NXPH1: variants seen among roughly 807,000 people sequenced by gnomAD.
NXPH1 encodes neurexophilin-1.
Under a neutral mutation model 23.7 loss-of-function variants are expected in NXPH1, and 5 were observed. The observed-to-expected ratio is 0.21, with a 90% confidence interval of 0.11 to 0.44. The LOEUF (loss-of-function observed/expected upper bound fraction) is 0.44, where lower values mean the gene tolerates loss of function less well. NXPH1 is among the 20% of genes least tolerant of loss of function. The probability of loss-of-function intolerance (pLI) is 0.99; values close to 1 mark genes in which losing one functional copy is unlikely to be tolerated. For synonymous variants in NXPH1, 144 were observed against 122.2 expected, an observed-to-expected ratio of 1.18 and a Z score of -1.18; for missense variants, 324 against 321.6, an observed-to-expected ratio of 1.01 and a Z score of -0.06.
chr7:8,512,997 C>T (rs141583868), intron 2 of NXPH1, among the ~76,000 whole-genome samples: 10 of 152,168 alleles, frequency 6.6e-5, no homozygotes, highest in African/African-American at 2.4e-4. Flanking sequence ...TATACAGTAT[C>T]GACCCTCAGT....
At chr7:8,706,112 C>T (rs570682830) in intron 2 of NXPH1, among the ~76,000 whole-genome samples, 1 of 152,102 alleles carries the variant, frequency 6.6e-6, no homozygotes, top group African/African-American at 2.4e-5. Flanking sequence ...GTTATAGTCT[C>T]TATGGTTTGG....
At chr7:8,726,832 G>C (rs1780062997) in intron 2 of NXPH1, among the ~76,000 whole-genome samples, 1 of 151,790 alleles carries the variant, frequency 6.6e-6, no homozygotes, top group East Asian at 1.9e-4. Flanking sequence ...ATGATTTATA[G>C]TCCTTTGGGT....
intron 2 of NXPH1, among the ~76,000 whole-genome samples, chr7:8,533,463 G>C (rs931283472): frequency 7.2e-5 from 11 of 152,044 alleles, no homozygotes; most frequent in African/African-American, 2.7e-4. Flanking sequence ...AACATTAGGT[G>C]ACATATAGGA....
At chr7:8,602,036 T>C (rs1336621888) in intron 2 of NXPH1, among the ~76,000 whole-genome samples, 1 of 152,230 alleles carries the variant, frequency 6.6e-6, no homozygotes, top group Admixed American at 6.5e-5. Context: ...AATTAGTATG[T>C]TCAGTATTGG....
chr7:8,667,777 T>A (rs1177154150), intron 2 of NXPH1, among the ~76,000 whole-genome samples: 1 of 152,260 alleles, frequency 6.6e-6, no homozygotes, highest in East Asian at 1.9e-4. Flanking sequence ...GCTTTCCACC[T>A]CTTTGTCTCT....
At chr7:8,555,335 T>C (rs1413994625) in intron 2 of NXPH1, among the ~76,000 whole-genome samples, 1 of 151,676 alleles carries the variant, frequency 6.6e-6, no homozygotes, top group East Asian at 2.0e-4. Context: ...TGTGTCTCTT[T>C]GATGGATGTG....
intron 2 of NXPH1, among the ~76,000 whole-genome samples, chr7:8,714,458 C>T (rs987234362): frequency 7.3e-5 from 11 of 151,480 alleles, no homozygotes; most frequent in Admixed American, 3.9e-4. Flanking sequence ...GGTGTCTAAG[C>T]TTAAGACAAA....
chr7:8,609,152 G>T (rs1819563931), intron 2 of NXPH1, among the ~76,000 whole-genome samples: 1 of 152,126 alleles, frequency 6.6e-6, no homozygotes, highest in Admixed American at 6.6e-5. Flanking sequence ...TAGGTCCAAA[G>T]ATATATCTCT....
intron 2 of NXPH1, among the ~76,000 whole-genome samples, chr7:8,712,249 A>G (rs1383833405): frequency 2.6e-5 from 4 of 152,008 alleles, no homozygotes; most frequent in Admixed American, 2.0e-4. Context: ...TCTTTATGTT[A>G]TTTTTTTCCA....
intron 2 of NXPH1, among the ~76,000 whole-genome samples, chr7:8,714,317 A>C (rs1779843908): frequency 6.6e-6 from 1 of 150,784 alleles, no homozygotes; most frequent in African/African-American, 2.4e-5. Context: ...CAGACCTGGG[A>C]CTGACTCACC....
chr7:8,455,502 T>C (rs1013620129), intron 2 of NXPH1, among the ~76,000 whole-genome samples: 6 of 152,188 alleles, frequency 3.9e-5, no homozygotes, highest in African/African-American at 1.4e-4. Flanking sequence ...AGGTAAAGCT[T>C]TATTTCCTAG....
In NXPH1 at chr7:8,751,624, A is replaced by G; in HGVS notation, c.671A>G (p.Gln224Arg). Residue 224 changes from glutamine (Q) to arginine (R), a missense_variant, in exon 3 of 3, where the codon CAA (glutamine) becomes CGA (arginine). Gln to Arg is a conservative substitution (Grantham distance 43). Coordinates refer to ENST00000405863, the MANE Select transcript of NXPH1 (RefSeq NM_152745.3). The surrounding 1 kb of genome is among the most constrained non-coding windows in gnomAD (Gnocchi z 4.5). ...AAAACCTGTTACCAGGAGCAAACCC[A>G]AAGTCATGTATCCTGGCTCTGCTCC... ...PSKTCYQEQT[Q>R]SHVSWLCSKP... 7 of 1,613,580 alleles carry G rather than the reference A, an allele frequency of 4.3e-6. No homozygotes were observed. Among genetic ancestry groups the G allele is most frequent in the Middle Eastern group, 1.6e-4 (1 of 6,062 alleles).
chr7:8,579,561 G>A (rs920750807), intron 2 of NXPH1, among the ~76,000 whole-genome samples: 6 of 151,966 alleles, frequency 3.9e-5, no homozygotes, highest in African/African-American at 1.2e-4. Flanking sequence ...TAGCAGAGAC[G>A]GGGTTTCTCC....
chr7:8,477,190 G>A (rs6957536), intron 2 of NXPH1, among the ~76,000 whole-genome samples: 72,926 of 151,956 alleles, frequency 0.48, 18,127 homozygotes, highest in East Asian at 0.78. Context: ...CTTCCCTGGC[G>A]GATGACCTGG....
chr7:8,535,622 A>G (rs1475276658), intron 2 of NXPH1, among the ~76,000 whole-genome samples: 2 of 152,000 alleles, frequency 1.3e-5, no homozygotes, highest in Admixed American at 1.3e-4. Flanking sequence ...GAAGAAAGAT[A>G]GAAAATAAAA....
At chr7:8,612,436 A>G (rs968078331) in intron 2 of NXPH1, among the ~76,000 whole-genome samples, 3 of 152,006 alleles carry the variant, frequency 2.0e-5, no homozygotes, top group Non-Finnish European at 4.4e-5. Context: ...AGCAGCACTC[A>G]AGAGACACTT....
At chr7:8,642,074 C>A (rs749437531) in intron 2 of NXPH1, among the ~76,000 whole-genome samples, 11 of 152,104 alleles carry the variant, frequency 7.2e-5, no homozygotes, top group Non-Finnish European at 1.3e-4. Context: ...TTGGGAATTC[C>A]TTTTACTTCT....
chr7:8,445,447 C>A (rs1287383390), intron 2 of NXPH1, among the ~76,000 whole-genome samples: 1 of 152,200 alleles, frequency 6.6e-6, no homozygotes, highest in African/African-American at 2.4e-5. Context: ...ATTTTTCTGC[C>A]TCCCTGCCTC....
At chr7:8,506,821 A>G (rs1414992340) in intron 2 of NXPH1, among the ~76,000 whole-genome samples, 1 of 152,052 alleles carries the variant, frequency 6.6e-6, no homozygotes, top group Non-Finnish European at 1.5e-5. Context: ...ATCTGAACAA[A>G]TGCTAGGGTA....
Sources: gnomAD v4.1 joint callset for allele counts (sites outside exome capture counted in the v4.1 genomes callset) on GRCh38, gnomAD v4.1.1 for gene constraint, Gnocchi (gnomAD v3.1) non-coding constraint, MANE v1.5 for transcripts, NCBI Gene and HGNC (gene_info 2026-07-23, HGNC 2026-07-21) for gene names.